TMTC2: variants seen among roughly 807,000 people sequenced by gnomAD.
TMTC2 encodes the protein transmembrane O-mannosyltransferase targeting cadherins 2.
In TMTC2, 43 loss-of-function variants were observed where a neutral mutation model predicts 82.4. The ratio of observed to expected loss-of-function variants is 0.52; its 90% confidence interval spans 0.41 to 0.67. TMTC2 has a LOEUF of 0.67. Ranked by LOEUF, TMTC2 falls within the 30% of genes least tolerant of loss-of-function variation. The pLI is 0.00. For synonymous variants in TMTC2, 408 were observed against 381.9 expected (o/e 1.07, Z -0.80); for missense variants, 919 against 1,012.4 (o/e 0.91, Z 1.25).
In TMTC2 at chr12:82,896,650, A is replaced by G; in HGVS notation, c.1483+4A>G. 4 of 1,587,254 alleles carry G rather than the reference A, an allele frequency of 2.5e-6. 1 individual carries two copies. The highest frequency in any genetic ancestry group is 4.5e-5 in the East Asian group (2 of 44,690). ...ATAAAAGTAAACCCAGCTAAAGGTA[A>G]TCTTTTATTTTATGCTTTTGTCTGG... is the stretch of plus-strand genomic sequence containing the variant. On this transcript the variant is annotated splice_donor_region_variant and intron_variant, in intron 3 of 11. Transcript: ENST00000321196.
intron 9 of TMTC2, among the ~76,000 whole-genome samples, chr12:83,035,467 A>G (rs543958567): frequency 3.3e-5 from 5 of 152,258 alleles, no homozygotes; most frequent in African/African-American, 1.2e-4. Context: ...GGACTCCAAA[A>G]ATGTTTTCTA....
intron 11 of TMTC2, among the ~76,000 whole-genome samples, chr12:83,115,086 C>T (rs1026895815): frequency 6.6e-6 from 1 of 151,994 alleles, no homozygotes. Context: ...TGACAGGTTC[C>T]AATTCCTTGG....
At chr12:82,953,791 A>T (rs1682590) in intron 4 of TMTC2, among the ~76,000 whole-genome samples, 104,735 of 151,746 alleles carry the variant, frequency 0.69, 37,734 homozygotes, top group South Asian at 0.84. Flanking sequence ...AATGCATAAA[A>T]AACCTTAGGA....
At chr12:83,051,803 A>T (rs1303509638) in intron 10 of TMTC2, among the ~76,000 whole-genome samples, 4 of 152,136 alleles carry the variant, frequency 2.6e-5, no homozygotes, top group Non-Finnish European at 5.9e-5. Context: ...GACTATTACA[A>T]AGGCTAATTA....
intron 1 of TMTC2, among the ~76,000 whole-genome samples, chr12:82,781,247 T>C (rs1415637123): frequency 1.3e-5 from 2 of 152,034 alleles, no homozygotes; most frequent in Non-Finnish European, 2.9e-5. Context: ...TCTCAAACTT[T>C]TCAAAATCAA....
At chr12:82,907,840 G>A (rs1039258189) in intron 3 of TMTC2, among the ~76,000 whole-genome samples, 6 of 151,996 alleles carry the variant, frequency 3.9e-5, no homozygotes, top group South Asian at 2.1e-4. Context: ...TAGGCCAGGC[G>A]CGGTGGCTCA....
intron 4 of TMTC2, among the ~76,000 whole-genome samples, chr12:82,960,232 A>G (rs1877855655): frequency 6.6e-6 from 1 of 152,046 alleles, no homozygotes; most frequent in African/African-American, 2.4e-5. Context: ...GATTTCTCGA[A>G]GAACTTAAAA....
intron 1 of TMTC2, among the ~76,000 whole-genome samples, chr12:82,845,242 AAAAAAAAAAAAT>A (rs1490207676): frequency 6.2e-5 from 8 of 129,092 alleles, no homozygotes; most frequent in African/African-American, 2.5e-4. Context: ...AAAAAAAAAA[AAAAAAAAAAAAT>A]ATATATATAT....
intron 9 of TMTC2, among the ~76,000 whole-genome samples, chr12:83,039,156 C>T (rs1321408516): frequency 6.6e-6 from 1 of 152,076 alleles, no homozygotes; most frequent in Non-Finnish European, 1.5e-5. Context: ...TGTTCTCGAA[C>T]TCCTGACCTC....
At chr12:83,100,924 A>T (rs1884196319) in intron 11 of TMTC2, among the ~76,000 whole-genome samples, 2 of 152,202 alleles carry the variant, frequency 1.3e-5, no homozygotes, top group Non-Finnish European at 2.9e-5. Flanking sequence ...AATGCTTCTG[A>T]TTAACACATT....
Position 82,885,283 on chromosome 12 carries a change from G to A in TMTC2, c.655-10535G>A, listed in dbSNP as rs192545948. On this transcript the variant is annotated intron_variant, in intron 2 of 11. Coordinates refer to ENST00000321196, the MANE Select transcript of TMTC2 (RefSeq NM_152588.3). The stretch of plus-strand genomic sequence containing the variant: ...GTATGTCTTTCCATTGGAATTTGTC[G>A]GATTTTTGTTTAAATGATTAATCTG... Among the ~76,000 whole-genome samples the A allele has an allele frequency of 3.6e-4, 55 of 151,294 alleles. 2 individuals are homozygous for A. Among genetic ancestry groups the A allele is most frequent in the African/African-American group, 1.1e-3 (47 of 41,300 alleles).
intron 11 of TMTC2, among the ~76,000 whole-genome samples, chr12:83,107,775 C>CT (rs1309519958): frequency 6.6e-6 from 1 of 151,722 alleles, no homozygotes; most frequent in Non-Finnish European, 1.5e-5. Context: ...CTTATGACCC[C>CT]CCGTGCCCAC....
chr12:82,784,192 A>G (rs914177681), intron 1 of TMTC2, among the ~76,000 whole-genome samples: 1 of 152,070 alleles, frequency 6.6e-6, no homozygotes, highest in Non-Finnish European at 1.5e-5. Context: ...AGTCTAAAAT[A>G]AATGGAAACC....
intron 11 of TMTC2, among the ~76,000 whole-genome samples, chr12:83,065,534 G>T (rs1049952158): frequency 5.3e-5 from 8 of 151,584 alleles, no homozygotes; most frequent in African/African-American, 1.9e-4. Context: ...TGATTTTTGG[G>T]GCTGATTGTC....
intron 1 of TMTC2, among the ~76,000 whole-genome samples, chr12:82,837,447 A>G (rs545559257): frequency 6.6e-6 from 1 of 152,300 alleles, no homozygotes; most frequent in South Asian, 2.1e-4. Flanking sequence ...GTCTCTAAAA[A>G]CAAAACAAAA....
chr12:83,061,996 C>T lies in TMTC2; in HGVS notation c.2331+165C>T, dbSNP rs190385826. ...GCTCTTATTTTGAATACCTACTAAA[C>T]AGCTAATTCAACAGTAAAATCTGCC... is the stretch of plus-strand genomic sequence containing the variant. On this transcript the variant is annotated intron_variant, in intron 11 of 11. Transcript: ENST00000321196. 2.6e-5 allele frequency among the ~76,000 whole-genome samples: 4 copies of T among 151,756 alleles called. No individual in the cohort carries two copies. In the East Asian group the frequency reaches 7.8e-4, roughly 29 times the overall value.
chr12:82,956,589 G>A (rs536176052), intron 4 of TMTC2, among the ~76,000 whole-genome samples: 27 of 152,118 alleles, frequency 1.8e-4, no homozygotes, highest in African/African-American at 6.0e-4. Context: ...AAGTAGCTGG[G>A]ATTACAGGTG....
At chr12:82,910,228 G>A in intron 3 of TMTC2, among the ~76,000 whole-genome samples, 1 of 152,182 alleles carries the variant, frequency 6.6e-6, no homozygotes, top group East Asian at 1.9e-4. Context: ...TAGAGGAAGT[G>A]TGAGCCGTAT....
At chr12:82,876,354 G>A (rs1212753705) in intron 2 of TMTC2, among the ~76,000 whole-genome samples, 1 of 152,114 alleles carries the variant, frequency 6.6e-6, no homozygotes, top group Non-Finnish European at 1.5e-5. Context: ...TTAAGTCTTG[G>A]TGAGGAGTGC....
Sources: allele counts gnomAD v4.1 joint callset (sites outside exome capture counted in the v4.1 genomes callset), GRCh38; gene constraint gnomAD v4.1.1; transcripts MANE v1.5; gene names NCBI Gene and HGNC (gene_info 2026-07-23, HGNC 2026-07-21).